Variants in MARCHF10 observed in about 807,000 individuals in gnomAD.
The protein encoded by MARCHF10 is membrane associated ring-CH-type finger 10, also known as probable E3 ubiquitin-protein ligase MARCHF10.
A neutral mutation model predicts 76.2 loss-of-function variants in MARCHF10; 64 were observed. The ratio of observed to expected loss-of-function variants is 0.84; its 90% confidence interval spans 0.69 to 1.03. The LOEUF is 1.03. Among genes scored for constraint, MARCHF10 ranks in the 50% least tolerant of loss-of-function variants. MARCHF10 has a pLI of 0.00. For missense variants in MARCHF10, 875 were observed against 958.0 expected, an observed-to-expected ratio of 0.91 and a Z score of 1.14; for synonymous variants, 340 against 357.5, an observed-to-expected ratio of 0.95 and a Z score of 0.55.
chr17:62,734,135 G>A (rs1230648367), intron 6 of MARCHF10, among the ~76,000 whole-genome samples: 4 of 151,874 alleles, frequency 2.6e-5, no homozygotes, highest in Admixed American at 2.6e-4. Context: ...AGTGAGTCGC[G>A]ATCATGCCAC....
At chr17:62,801,519 C>A in intron 2 of MARCHF10, 127 bp downstream of exon 2, 10 of 515,122 alleles carry the variant, frequency 1.9e-5, no homozygotes, top group East Asian at 4.3e-5. Flanking sequence ...TTGCTAGTTA[C>A]ATACCTAATC....
chr17:62,771,102 G>A (rs2092437385), intron 3 of MARCHF10, among the ~76,000 whole-genome samples: 3 of 152,072 alleles, frequency 2.0e-5, no homozygotes, highest in South Asian at 2.1e-4. Context: ...TGATCCAGCC[G>A]CCCAAGCCTC....
At chr17:62,805,747 A>G (rs2093152507) in intron 1 of MARCHF10, among the ~76,000 whole-genome samples, 1 of 152,022 alleles carries the variant, frequency 6.6e-6, no homozygotes, top group African/African-American at 2.4e-5. Flanking sequence ...CCCCATCTTT[A>G]CTAAAAATAC....
chr17:62,709,129 C>T (rs1310529387), intron 9 of MARCHF10, among the ~76,000 whole-genome samples: 2 of 152,216 alleles, frequency 1.3e-5, no homozygotes, highest in African/African-American at 4.8e-5. Context: ...TGATCCTCAT[C>T]TCCGCACCTG....
intron 2 of MARCHF10, among the ~76,000 whole-genome samples, chr17:62,799,994 G>C (rs111596948): frequency 0.03 from 4,563 of 152,208 alleles, 205 homozygotes; most frequent in African/African-American, 0.1. Flanking sequence ...GACCTCCCCT[G>C]CTTCTAAGGG....
At chr17:62,740,801 A>T (rs953330403) in intron 5 of MARCHF10, among the ~76,000 whole-genome samples, 2 of 151,544 alleles carry the variant, frequency 1.3e-5, no homozygotes, top group African/African-American at 2.4e-5. Context: ...TCATTTTAAA[A>T]TTTTTTTCTA....
At chr17:62,705,769 G>A (rs904082743) in intron 9 of MARCHF10, among the ~76,000 whole-genome samples, 188 bp from the exon 10 acceptor site, 9 of 152,176 alleles carry the variant, frequency 5.9e-5, no homozygotes, top group African/African-American at 1.9e-4. Flanking sequence ...TCATCCTGAC[G>A]AGAGCTGCAG....
chr17:62,736,350 C>G lies in MARCHF10; in HGVS notation c.1518G>C (p.Gly506=). The G allele has an allele frequency of 6.2e-7, 1 of 1,614,162 alleles. No individual in the cohort carries two copies. Among genetic ancestry groups the G allele is most frequent in the South Asian group, 1.1e-5 (1 of 91,088 alleles). ...VHSSDSEGNS[G]FHVCQPLSPI... ...GAGACAGTGGTTGGCAAACATGAAACCCTGAGTTTCCCTCTGAGTCTGAGC... is the reference window on the plus strand; with the variant it reads ...GAGACAGTGGTTGGCAAACATGAAAGCCTGAGTTTCCCTCTGAGTCTGAGC... Residue 506 remains glycine (G), a synonymous_variant, in exon 6 of 11, where the codon GGG becomes GGC. Coordinates refer to ENST00000311269, the MANE Select transcript of MARCHF10 (RefSeq NM_152598.4).
At chr17:62,739,564 A>G (rs932696475) in intron 5 of MARCHF10, among the ~76,000 whole-genome samples, 2 of 152,000 alleles carry the variant, frequency 1.3e-5, no homozygotes, top group South Asian at 2.1e-4. Flanking sequence ...TATTTTTAGT[A>G]GAGACAGGGT....
At chr17:62,801,262 G>A (rs1452867680) in intron 2 of MARCHF10, among the ~76,000 whole-genome samples, 1 of 152,036 alleles carries the variant, frequency 6.6e-6, no homozygotes, top group South Asian at 2.1e-4. Context: ...GGGTTCAAGC[G>A]ATTCTCCTGC....
chr17:62,756,924 G>C (rs2092060974), intron 4 of MARCHF10, among the ~76,000 whole-genome samples: 1 of 152,210 alleles, frequency 6.6e-6, no homozygotes, highest in African/African-American at 2.4e-5. Flanking sequence ...ATTTAAACGT[G>C]TGAATTCCTT....
chr17:62,778,584 G>A (rs2092596216), intron 3 of MARCHF10, among the ~76,000 whole-genome samples: 1 of 151,270 alleles, frequency 6.6e-6, no homozygotes, highest in Admixed American at 6.6e-5. Context: ...CACAAAATTA[G>A]CCGGGCATCA....
At chr17:62,789,649 C>T (rs555083123) in intron 2 of MARCHF10, among the ~76,000 whole-genome samples, 43 of 152,302 alleles carry the variant, frequency 2.8e-4, no homozygotes, top group African/African-American at 1.0e-3. Flanking sequence ...AGCTGAATTG[C>T]AGCTGGCCAG....
rs765939639 is a variant in MARCHF10, at chr17:62,737,119, T to G, written c.749A>C (p.Glu250Ala). The G allele has an allele frequency of 5.6e-6, 9 of 1,614,012 alleles. No individual in the cohort carries two copies. Among genetic ancestry groups the G allele is most frequent in the Non-Finnish European group, 6.8e-6 (8 of 1,180,048 alleles). Reference sequence around the variant, plus strand: ...GGGTGTGAGTGGTGGCCCCGAGAACTCACTCAATACTTGAGGACTATTTTT... The same window carrying G: ...GGGTGTGAGTGGTGGCCCCGAGAACGCACTCAATACTTGAGGACTATTTTT... ...QGKNSPQVLS[E>A]FSGPPLTPTT... The change falls in exon 6 of 11, where the codon GAG becomes GCG. Residue 250 changes from glutamate to alanine, a missense_variant. By Grantham distance (107) the Glu-to-Ala change is moderately radical (BLOSUM62 -1). Coordinates refer to ENST00000311269, the MANE Select transcript of MARCHF10 (RefSeq NM_152598.4).
intron 4 of MARCHF10, among the ~76,000 whole-genome samples, chr17:62,744,882 G>A (rs1004000781): frequency 8.2e-5 from 11 of 133,362 alleles, no homozygotes; most frequent in African/African-American, 1.4e-4. Flanking sequence ...GCATGGTGGC[G>A]CATGCCTGTA....
chr17:62,741,065 C>T lies in MARCHF10; in HGVS notation c.535+3311G>A, dbSNP rs376991257. ...CCCTGAAGGCATTTGAATTTATAAC[C>T]CAGGGCTCTCTTATCAAGAGATATT... On this transcript the variant is annotated intron_variant, in intron 5 of 10. Transcript: ENST00000311269. Among the ~76,000 whole-genome samples, 69 of 152,234 alleles carry T rather than the reference C, an allele frequency of 4.5e-4. No individual in the cohort carries two copies. The East Asian group carries it at 9.4e-3, about 21-fold the overall frequency.
At chr17:62,708,103 G>C (rs1361152555) in intron 9 of MARCHF10, among the ~76,000 whole-genome samples, 2 of 152,148 alleles carry the variant, frequency 1.3e-5, no homozygotes, top group Non-Finnish European at 2.9e-5. Context: ...GTCTCAAAAA[G>C]AGAAAGAAAA....
At position 62,711,359 on chromosome 17, in the gene MARCHF10, G is replaced by A; in HGVS notation, c.2215-15C>T. ...TCGTTTTGTGCCTACAAATGGAAAA[G>A]AAAGCTCTTCAGTTCATCTGTAAAA... On this transcript the variant is annotated splice_polypyrimidine_tract_variant and intron_variant, in intron 8 of 10. Transcript: ENST00000311269. The surrounding 1 kb of genome is among the most constrained non-coding windows in gnomAD (Gnocchi z 4.4). 1 of 1,611,260 alleles carries A rather than the reference G, an allele frequency of 6.2e-7. No individual in the cohort carries two copies. Among genetic ancestry groups the A allele is most frequent in the Non-Finnish European group, 8.5e-7 (1 of 1,177,420 alleles).
chr17:62,801,730 C>G lies in MARCHF10; in HGVS notation c.6G>C (p.Leu2Phe). ...ACTTCTGCCTGTCCCTTGCGTCATG[C>G]AACATGATTCCTAATCCCTGACCTG... is the stretch of plus-strand genomic sequence containing the variant. M[L>F]HDARDRQKFF... is the part of the protein sequence containing the mutation. The change falls in exon 2 of 11, where the codon TTG becomes TTC. Residue 2 changes from leucine (L) to phenylalanine (F), a missense_variant. Coordinates refer to ENST00000311269, the MANE Select transcript of MARCHF10 (RefSeq NM_152598.4). 6.2e-7 allele frequency: 1 copy of G among 1,614,042 alleles called. No homozygotes were observed. Among genetic ancestry groups the G allele is most frequent in the Non-Finnish European group, 8.5e-7 (1 of 1,179,894 alleles).
Sources: allele counts gnomAD v4.1 joint callset (sites outside exome capture counted in the v4.1 genomes callset), GRCh38; gene constraint gnomAD v4.1.1; non-coding constraint Gnocchi (gnomAD v3.1); transcripts MANE v1.5; gene names NCBI Gene and HGNC (gene_info 2026-07-23, HGNC 2026-07-21).